ITGAX: variants seen among roughly 807,000 people sequenced by gnomAD.
ITGAX encodes integrin subunit alpha X, also known as integrin alpha-X.
Under a neutral mutation model 140.2 loss-of-function variants are expected in ITGAX, and 99 were observed. The ratio of observed to expected loss-of-function variants is 0.71; its 90% confidence interval spans 0.60 to 0.83. The LOEUF (loss-of-function observed/expected upper bound fraction) is 0.83, where lower values mean the gene tolerates loss of function less well. Among genes scored for constraint, ITGAX ranks in the 40% least tolerant of loss-of-function variants. ITGAX has a pLI of 0.00. For synonymous variants in ITGAX, 631 were observed against 600.4 expected (o/e 1.05, Z -0.75); for missense variants, 1,444 against 1,482.0 (o/e 0.97, Z 0.42).
intron 23 of ITGAX, among the ~76,000 whole-genome samples, chr16:31,379,178 G>A (rs1259612912): frequency 5.3e-5 from 8 of 150,728 alleles, no homozygotes; most frequent in East Asian, 2.0e-4. Context: ...ATTCAGTGGC[G>A]TGATCTGGGC....
intron 26 of ITGAX, 66 bp from the exon 27 acceptor site, chr16:31,380,200 C>T (rs953331461): frequency 3.8e-5 from 59 of 1,556,122 alleles, no homozygotes; most frequent in Middle Eastern, 1.7e-4. Flanking sequence ...CAAGTCACAC[C>T]GCATAATGCT....
In ITGAX at chr16:31,360,467, G is replaced by A. The variant is rs771819160; in HGVS notation, c.861+4G>A. On this transcript the variant is annotated splice_donor_region_variant and intron_variant, in intron 8 of 29. Coordinates refer to ENST00000268296, the MANE Select transcript of ITGAX (RefSeq NM_000887.5). ...CATCATCCGCTATGCAATTGGGGTA[G>A]GGCGTGGGATGGCTTCCCACTTCTC... 1.9e-5 allele frequency: 31 copies of A among 1,598,954 alleles called. No individual in the cohort carries two copies. Among genetic ancestry groups the A allele is most frequent in the Non-Finnish European group, 2.6e-5 (30 of 1,172,370 alleles).
At chr16:31,355,337 G>A (rs1490356077) in intron 1 of ITGAX, 46 bp downstream of exon 1, 15 of 1,606,970 alleles carry the variant, frequency 9.3e-6, no homozygotes, top group Middle Eastern at 1.7e-4. Context: ...CCAGGCCCAA[G>A]GGAGCCAGGG....
intron 6 of ITGAX, 26 bp downstream of exon 6, chr16:31,359,856 CT>C: frequency 6.2e-7 from 1 of 1,613,996 alleles, no homozygotes; most frequent in Non-Finnish European, 8.5e-7. Flanking sequence ...AGGGAGGCTG[CT>C]GGGGGTGGGT....
chr16:31,361,996 G>A lies in ITGAX; in HGVS notation c.1087-79G>A, dbSNP rs1028434352. ...GGTGGGTGTCAGGTGGGTAAGAGGC[G>A]CAGGCGGAAGGCATATCTCTGGTAC... On this transcript the variant is annotated intron_variant, in intron 10 of 29. Coordinates refer to ENST00000268296, the MANE Select transcript of ITGAX (RefSeq NM_000887.5). 4.3e-6 allele frequency: 7 copies of A among 1,612,252 alleles called. No individual in the cohort carries two copies. The East Asian group carries it at 8.9e-5, about 21-fold the overall frequency.
intron 20 of ITGAX, among the ~76,000 whole-genome samples, chr16:31,376,424 C>T (rs2081019630): frequency 6.6e-6 from 1 of 152,018 alleles, no homozygotes; most frequent in Non-Finnish European, 1.5e-5. Flanking sequence ...AGTTCAAGAC[C>T]AGCCTGGGCA....
At position 31,371,139 on chromosome 16, in the gene ITGAX, G is replaced by C. The variant is rs778134674; in HGVS notation, c.1766G>C (p.Ser589Thr). Residue 589 changes from serine to threonine, a missense_variant, in exon 15 of 30, where the codon AGC becomes ACC. Coordinates refer to ENST00000268296, the MANE Select transcript of ITGAX (RefSeq NM_000887.5). ...CTGCAGTATTTTGGGCAGGCACTGA[G>C]CGGGGGTCAAGACCTCACCCAGGAT... ...SRLQYFGQAL[S>T]GGQDLTQDGL... is the part of the protein sequence containing the mutation. The C allele has an allele frequency of 1.5e-5, 24 of 1,614,128 alleles. No homozygotes were observed. Among genetic ancestry groups the C allele is most frequent in the Non-Finnish European group, 2.0e-5 (24 of 1,180,028 alleles).
intron 9 of ITGAX, 98 bp downstream of exon 9, chr16:31,361,311 G>T: frequency 3.0e-6 from 4 of 1,331,322 alleles, no homozygotes; most frequent in South Asian, 1.4e-5. Flanking sequence ...ACAGCGTCTC[G>T]GTTCTCCTGC....
intron 20 of ITGAX, among the ~76,000 whole-genome samples, chr16:31,374,401 A>G (rs992545623): frequency 2.0e-5 from 3 of 152,104 alleles, no homozygotes; most frequent in African/African-American, 7.2e-5. Context: ...ATTTTGCCAC[A>G]TTTGTTTCAT....
rs777885463 is a variant in ITGAX at position 31,371,069 on chromosome 16, C to T, written c.1711-15C>T. 8.3e-5 allele frequency: 134 copies of T among 1,613,822 alleles called. No individual in the cohort carries two copies. The highest frequency in any genetic ancestry group is 6.1e-5 in the Non-Finnish European group (72 of 1,180,038). ...CTACTTTCCATCTTGATTCACCCTT[C>T]TCTCCTCTGGCCAGCGGATCGCGGG... On this transcript the variant is annotated splice_polypyrimidine_tract_variant and intron_variant, in intron 14 of 29. Coordinates refer to ENST00000268296, the MANE Select transcript of ITGAX (RefSeq NM_000887.5).
At chr16:31,376,530 G>A (rs1432129231) in intron 20 of ITGAX, among the ~76,000 whole-genome samples, 1 of 152,130 alleles carries the variant, frequency 6.6e-6, no homozygotes, top group African/African-American at 2.4e-5. Flanking sequence ...GGAGGCTGAG[G>A]CAAGAGGATG....
chr16:31,360,229 G>A (rs543652980), intron 7 of ITGAX, 81 bp from the exon 8 acceptor site: 40 of 1,523,292 alleles, frequency 2.6e-5, no homozygotes, highest in Admixed American at 4.1e-5. Flanking sequence ...AAAGGAAAAG[G>A]CATCTTCTAA....
chr16:31,361,520 T>C, intron 9 of ITGAX: 1 of 668,168 alleles, frequency 1.5e-6, no homozygotes, highest in Non-Finnish European at 2.7e-6. Flanking sequence ...CACCGGGCCC[T>C]ACCCAGCCCA....
chr16:31,357,115 G>A lies in ITGAX; in HGVS notation c.318+14G>A. 2 of 1,603,850 alleles carry A rather than the reference G, an allele frequency of 1.2e-6. No homozygotes were observed. The highest frequency in any genetic ancestry group is 1.1e-5 in the South Asian group (1 of 90,620). On this transcript the variant is annotated intron_variant, in intron 4 of 29. Coordinates refer to ENST00000268296, the MANE Select transcript of ITGAX (RefSeq NM_000887.5). ...TCCCAGCTGCTGGTGAGTGGCCCTG[G>A]GTCACAGGAGGCTTCTGAGGGAGGG...
At chr16:31,360,287 T>G in intron 7 of ITGAX, 23 bp from the exon 8 acceptor site, 1 of 1,594,974 alleles carries the variant, frequency 6.3e-7, no homozygotes, top group East Asian at 2.2e-5. Flanking sequence ...CACAGGCCTC[T>G]AAGACCTCTC....
Position 31,357,276 on chromosome 16 carries a change from C to T in ITGAX, c.342C>T (p.His114=), listed in dbSNP as rs564218640. 8.1e-6 allele frequency: 13 copies of T among 1,607,208 alleles called. No homozygotes were observed. The highest frequency in any genetic ancestry group is 2.7e-5 in the African/African-American group (2 of 74,850). Residue 114 remains histidine, a synonymous_variant, in exon 5 of 30, where the codon CAC becomes CAT. Coordinates refer to ENST00000268296, the MANE Select transcript of ITGAX (RefSeq NM_000887.5). ...AGGCCTGCGGCCCCACCGTGCACCA[C>T]GAGTGCGGGAGGAACATGTACCTCA... ...QLLACGPTVH[H]ECGRNMYLTG...
chr16:31,377,265 G>A lies in ITGAX; in HGVS notation c.2789G>A (p.Ser930Asn). 6.2e-7 allele frequency: 1 copy of A among 1,612,042 alleles called. No homozygotes were observed. Among genetic ancestry groups the A allele is most frequent in the Non-Finnish European group, 8.5e-7 (1 of 1,178,952 alleles). Residue 930 changes from serine to asparagine, a missense_variant and splice_region_variant, in exon 23 of 30, where the codon AGC becomes AAC. Coordinates refer to ENST00000268296, the MANE Select transcript of ITGAX (RefSeq NM_000887.5). Reference sequence around the variant, plus strand: ...TATGCTGTCTACACTGTGGTTAGCAGGTCAGCAGGTACCCCACTGCAGGAA... The same window carrying A: ...TATGCTGTCTACACTGTGGTTAGCAAGTCAGCAGGTACCCCACTGCAGGAA... ...VKYAVYTVVS[S>N]HEQFTKYLNF... is the part of the protein sequence containing the mutation.
rs370282868 is a variant in ITGAX at position 31,361,694 on chromosome 16, T to G, written c.1013-142T>G. Reference sequence around the variant, plus strand: ...GGGGGCCCCGAAGTCGGAGCTGATCTGGAGGGCAGAGCCTGGTCCCTGTCA... The same window carrying G: ...GGGGGCCCCGAAGTCGGAGCTGATCGGGAGGGCAGAGCCTGGTCCCTGTCA... On this transcript the variant is annotated intron_variant, in intron 9 of 29. Transcript: ENST00000268296. The G allele has an allele frequency of 4.4e-5, 42 of 947,428 alleles. No individual in the cohort carries two copies. In the East Asian group the frequency reaches 7.9e-4, roughly 18 times the overall value. The allele number at this position is 947,428 out of a possible 1,614,324, so 58.7% of individuals were successfully genotyped here. A position where few individuals can be genotyped will look rare whatever the true frequency, so the allele number is the denominator to read the frequency against.
chr16:31,358,312 A>G (rs972794170), intron 5 of ITGAX: 4 of 152,242 alleles, frequency 2.6e-5, no homozygotes, highest in African/African-American at 9.6e-5. Flanking sequence ...GAACAGGCCC[A>G]GTGTGTGGCT....
Sources: allele counts gnomAD v4.1 joint callset (sites outside exome capture counted in the v4.1 genomes callset), GRCh38; gene constraint gnomAD v4.1.1; transcripts MANE v1.5; gene names NCBI Gene and HGNC (gene_info 2026-07-23, HGNC 2026-07-21).